Variants in SLCO1C1 observed in about 807,000 individuals in gnomAD.
SLCO1C1 encodes the protein OAT-RP-5.
SLCO1C1 carries 70 observed loss-of-function variants against 76.4 expected under a neutral mutation model. The observed-to-expected ratio is 0.92, with a 90% CI of 0.76 to 1.12. The LOEUF is 1.12. Ranked by LOEUF, SLCO1C1 falls within the 50% of genes most tolerant of loss-of-function variation. The pLI is 0.00. For synonymous variants in SLCO1C1, 306 were observed against 286.1 expected (o/e 1.07, Z -0.70); for missense variants, 912 against 823.8 (o/e 1.11, Z -1.31).
chr12:20,701,411 G>A lies in SLCO1C1; in HGVS notation c.223G>A (p.Asp75Asn). ...CATCACTCAGATAGAGAGAAGGTTT[G>A]ATATCCCTTCTTCACTGGTGGGAGT... ...STITQIERRF[D>N]IPSSLVGVID... is the part of the protein sequence containing the mutation. Residue 75 changes from aspartate (D) to asparagine (N), a missense_variant, in exon 3 of 15, where the codon GAT becomes AAT. Transcript: ENST00000266509. The A allele has an allele frequency of 1.3e-6, 2 of 1,555,726 alleles. No individual in the cohort carries two copies. Among genetic ancestry groups the A allele is most frequent in the African/African-American group, 1.4e-5 (1 of 73,972 alleles).
intron 9 of SLCO1C1, among the ~76,000 whole-genome samples, chr12:20,732,278 CT>C (rs1319785015): frequency 7.2e-5 from 11 of 152,316 alleles, no homozygotes; most frequent in Non-Finnish European, 5.9e-5. Context: ...GGTTTGCCCA[CT>C]TACTAAGTGT....
intron 13 of SLCO1C1, among the ~76,000 whole-genome samples, chr12:20,744,060 T>G (rs1324637323): frequency 6.6e-6 from 1 of 152,002 alleles, no homozygotes; most frequent in Non-Finnish European, 1.5e-5. Context: ...CTTAAAAAAT[T>G]TGAAATCAAA....
chr12:20,738,959 T>C (rs911799101), intron 11 of SLCO1C1, among the ~76,000 whole-genome samples: 3 of 152,318 alleles, frequency 2.0e-5, no homozygotes, highest in Non-Finnish European at 4.4e-5. Flanking sequence ...AAATGCCAGC[T>C]TTATTTATGG....
chr12:20,713,097 T>TTTTTTTTTTA (rs1947198657), intron 5 of SLCO1C1, among the ~76,000 whole-genome samples: 1 of 151,108 alleles, frequency 6.6e-6, no homozygotes, highest in Non-Finnish European at 1.5e-5. Flanking sequence ...TTTTTTTTTT[T>TTTTTTTTTTA]GAGACGGAGT....
chr12:20,752,072 G>A (rs4762773), intron 14 of SLCO1C1, among the ~76,000 whole-genome samples: 69,079 of 151,872 alleles, frequency 0.45, 17,205 homozygotes, highest in East Asian at 0.6. Flanking sequence ...TTTACAGAGA[G>A]GATGAAACTG....
intron 9 of SLCO1C1, among the ~76,000 whole-genome samples, chr12:20,727,962 C>T (rs1948104872): frequency 6.6e-6 from 1 of 152,192 alleles, no homozygotes; most frequent in African/African-American, 2.4e-5. Flanking sequence ...TTCTCCCATT[C>T]TGTAGAATTT....
intron 7 of SLCO1C1, among the ~76,000 whole-genome samples, chr12:20,717,852 T>G (rs1161449355): frequency 2.0e-5 from 3 of 151,722 alleles, no homozygotes; most frequent in Admixed American, 2.0e-4. Context: ...GATGCACCCT[T>G]TGGAAATAGA....
At position 20,715,371 on chromosome 12, in the gene SLCO1C1, G is replaced by T. The variant is rs1390225985; in HGVS notation, c.676+86G>T. On this transcript the variant is annotated intron_variant, in intron 6 of 14. Transcript: ENST00000266509. The stretch of plus-strand genomic sequence containing the variant: ...TTCCCCTCTATGCTAAATTAAGTGG[G>T]GAAGCTTTTTATACTTCATATCCAA... The T allele has an allele frequency of 2.7e-6, 4 of 1,481,262 alleles. No individual in the cohort carries two copies. The African/African-American group carries it at 5.6e-5, about 21-fold the overall frequency. 91.8% of individuals were successfully genotyped at this position (1,481,262 alleles called of 1,614,324 possible).
At chr12:20,699,009 A>T (rs1312389790) in intron 1 of SLCO1C1, among the ~76,000 whole-genome samples, 1 of 152,076 alleles carries the variant, frequency 6.6e-6, no homozygotes. Flanking sequence ...TATTTATCAA[A>T]CAAAAACAAT....
intron 7 of SLCO1C1, 76 bp downstream of exon 7, chr12:20,717,306 A>G: frequency 8.6e-7 from 1 of 1,163,908 alleles, no homozygotes; most frequent in South Asian, 1.5e-5. Context: ...TGTGGAAATT[A>G]TCAAATTGCC....
chr12:20,750,845 C>T, intron 14 of SLCO1C1, 53 bp downstream of exon 14: 1 of 1,613,934 alleles, frequency 6.2e-7, no homozygotes, highest in South Asian at 1.1e-5. Flanking sequence ...CCCAGATTTA[C>T]ACAATGCCAC....
At chr12:20,748,053 A>T (rs1403113300) in intron 13 of SLCO1C1, among the ~76,000 whole-genome samples, 1 of 152,196 alleles carries the variant, frequency 6.6e-6, no homozygotes, top group Non-Finnish European at 1.5e-5. Flanking sequence ...TGATTCTTGC[A>T]TCTTAAAAAA....
At chr12:20,723,362 A>T (rs1310582150) in intron 9 of SLCO1C1, 108 bp downstream of exon 9, 4 of 1,312,060 alleles carry the variant, frequency 3.0e-6, no homozygotes, top group Non-Finnish European at 4.2e-6. Flanking sequence ...AATTTATGAC[A>T]TTTTAGATGA....
chr12:20,725,817 A>G (rs567052457), intron 9 of SLCO1C1, among the ~76,000 whole-genome samples: 15 of 152,070 alleles, frequency 9.9e-5, no homozygotes, highest in East Asian at 1.9e-4. Flanking sequence ...GGAATTGTCA[A>G]TTCTTTTCAC....
rs971683114 is a variant in SLCO1C1, at chr12:20,753,184, T to C, written c.*656T>C. 4.6e-5 allele frequency: 7 copies of C among 152,210 alleles called. No individual in the cohort carries two copies. Among genetic ancestry groups the C allele is most frequent in the African/African-American group, 1.7e-4 (7 of 41,460 alleles). The allele number at this position is 152,210 out of a possible 1,614,324, so 9.4% of individuals were successfully genotyped here. A position where few individuals can be genotyped will look rare whatever the true frequency, so the allele number is the denominator to read the frequency against. ...TGTGTGGCGCTATAAGTGACTATGGTTGTAAAGTAATAAAATTGATGTTAA... is the reference window on the plus strand; with the variant it reads ...TGTGTGGCGCTATAAGTGACTATGGCTGTAAAGTAATAAAATTGATGTTAA... On this transcript the variant is annotated 3_prime_UTR_variant, in exon 15 of 15. Transcript: ENST00000266509.
In SLCO1C1 at chr12:20,717,239, G is replaced by T; in HGVS notation, c.775+9G>T. ...TGGCTTTGTAAACCTAGGTAAGGAA[G>T]TTTATTTTTTATTTATTCATGTATT... On this transcript the variant is annotated intron_variant, in intron 7 of 14. Transcript: ENST00000266509. The T allele has an allele frequency of 1.3e-6, 2 of 1,573,458 alleles. No individual in the cohort carries two copies. The highest frequency in any genetic ancestry group is 1.7e-6 in the Non-Finnish European group (2 of 1,165,272).
At chr12:20,742,691 G>A (rs1011650658) in intron 12 of SLCO1C1, among the ~76,000 whole-genome samples, 10 of 126,362 alleles carry the variant, frequency 7.9e-5, no homozygotes, top group Non-Finnish European at 1.2e-4. Flanking sequence ...CCGCCACCAT[G>A]CCCAGCTAAT....
At chr12:20,747,192 A>G (rs1949085152) in intron 13 of SLCO1C1, among the ~76,000 whole-genome samples, 1 of 152,204 alleles carries the variant, frequency 6.6e-6, no homozygotes, top group South Asian at 2.1e-4. Context: ...TGGGAGGCTG[A>G]GGCGGGTGGA....
At chr12:20,700,607 T>C (rs10743389) in intron 2 of SLCO1C1, among the ~76,000 whole-genome samples, 107,190 of 151,172 alleles carry the variant, frequency 0.71, 38,349 homozygotes, top group East Asian at 0.82. Flanking sequence ...GCTCCCCCAA[T>C]CCCCCGAGAA....
Sources: gnomAD v4.1 joint callset for allele counts (sites outside exome capture counted in the v4.1 genomes callset) on GRCh38, gnomAD v4.1.1 for gene constraint, MANE v1.5 for transcripts, NCBI Gene and HGNC (gene_info 2026-07-23, HGNC 2026-07-21) for gene names.